The following TIMP3 variants were observed in gnomAD, a reference collection of about 807,000 sequenced individuals.
The protein encoded by TIMP3 is TIMP metallopeptidase inhibitor 3.
TIMP3 carries 11 observed loss-of-function variants against 30.0 expected under a neutral mutation model. The observed-to-expected ratio is 0.37, with a 90% CI of 0.23 to 0.61. The LOEUF is 0.61. Ranked by LOEUF, TIMP3 falls within the 20% of genes least tolerant of loss-of-function variation. TIMP3 has a pLI of 0.70. For missense variants in TIMP3, 181 were observed against 276.8 expected, an observed-to-expected ratio of 0.65 and a Z score of 2.45; for synonymous variants, 112 against 111.3, an observed-to-expected ratio of 1.01 and a Z score of -0.04.
intron 1 of TIMP3, among the ~76,000 whole-genome samples, chr22:32,805,750 G>A (rs1023525752): frequency 1.3e-5 from 2 of 151,532 alleles, no homozygotes; most frequent in Non-Finnish European, 2.9e-5. Context: ...AAGCTAAAAC[G>A]TATTATCAGT....
At chr22:32,809,917 C>T (rs963373470) in intron 1 of TIMP3, among the ~76,000 whole-genome samples, 1 of 152,188 alleles carries the variant, frequency 6.6e-6, no homozygotes, top group Non-Finnish European at 1.5e-5. Flanking sequence ...GTGGGCAGGT[C>T]CCATGCATTT....
At chr22:32,827,682 G>C (rs1440605802) in intron 1 of TIMP3, among the ~76,000 whole-genome samples, 2 of 152,190 alleles carry the variant, frequency 1.3e-5, no homozygotes, top group African/African-American at 4.8e-5. Context: ...CTCTGCCAAT[G>C]CCCTGCTCAA....
intron 1 of TIMP3, among the ~76,000 whole-genome samples, chr22:32,849,042 G>A (rs181647564): frequency 2.2e-4 from 33 of 152,266 alleles, no homozygotes; most frequent in Admixed American, 8.5e-4. Flanking sequence ...GTTAGAAAGG[G>A]GTCCTAGTGG....
intron 1 of TIMP3, among the ~76,000 whole-genome samples, chr22:32,826,266 T>G (rs1285757631): frequency 6.6e-6 from 1 of 152,036 alleles, no homozygotes; most frequent in East Asian, 1.9e-4. Context: ...CCATCTCTAC[T>G]AAAAATACAA....
Position 32,804,819 on chromosome 22 carries a change from T to G in TIMP3, c.121+2697T>G, listed in dbSNP as rs2046682767. Among the ~76,000 whole-genome samples, 3 of 152,172 alleles carry G rather than the reference T, an allele frequency of 2.0e-5. No individual in the cohort carries two copies. The South Asian group carries it at 6.2e-4, about 32-fold the overall frequency. On this transcript the variant is annotated intron_variant, in intron 1 of 4. Transcript: ENST00000266085. ...ACACTGTGGGGGAAAGAAAGGGACT[T>G]GGCAGCAGGCAGGATGTCTGTGGTC...
At chr22:32,821,009 G>C (rs766751956) in intron 1 of TIMP3, among the ~76,000 whole-genome samples, 1 of 152,106 alleles carries the variant, frequency 6.6e-6, no homozygotes, top group Non-Finnish European at 1.5e-5. Flanking sequence ...GTGGCTTCAT[G>C]CTCTTTCAAT....
At position 32,801,961 on chromosome 22, in the gene TIMP3, A is replaced by AG. The variant is rs748382703; in HGVS notation, c.-40dup. On this transcript the variant is annotated 5_prime_UTR_variant, in exon 1 of 5. Transcript: ENST00000266085. The surrounding 1 kb of genome is among the most constrained non-coding windows in gnomAD (Gnocchi z 4.7). ...CCGGCGGCGCGCACGGCAACTTTGG[A>AG]GAGGCGAGCAGCAGCCCCGGCAGCG... 15 of 1,569,036 alleles carry AG rather than the reference A, an allele frequency of 9.6e-6. No individual in the cohort carries two copies. The African/African-American group carries it at 1.6e-4, about 17-fold the overall frequency.
chr22:32,861,285 G>C lies in TIMP3; in HGVS notation c.*1908G>C, dbSNP rs2048531175. 6.6e-6 allele frequency: 1 copy of C among 152,382 alleles called. No homozygotes were observed. The highest frequency in any genetic ancestry group is 2.4e-5 in the African/African-American group (1 of 41,412). The allele number at this position is 152,382 out of a possible 1,614,324, so 9.4% of individuals were successfully genotyped here. ...GAGTGGGAAGAGAGTACCGGCATCGGGTTTCCTTGGGATCAATTTCATTAC... is the reference window on the plus strand; with the variant it reads ...GAGTGGGAAGAGAGTACCGGCATCGCGTTTCCTTGGGATCAATTTCATTAC... On this transcript the variant is annotated 3_prime_UTR_variant, in exon 5 of 5. Transcript: ENST00000266085.
At chr22:32,833,885 A>C in intron 1 of TIMP3, 1 of 499,308 alleles carries the variant, frequency 2.0e-6, no homozygotes, top group African/African-American at 2.0e-5. Context: ...GATGGCACCT[A>C]TTGTAACTAA....
Position 32,801,965 on chromosome 22 carries a change from G to A in TIMP3, c.-37G>A. On this transcript the variant is annotated 5_prime_UTR_variant, in exon 1 of 5. Transcript: ENST00000266085. This position sits in a 1 kb window ranked among gnomAD's most constrained non-coding sequence, Gnocchi z 4.7. ...CGGCGCGCACGGCAACTTTGGAGAG[G>A]CGAGCAGCAGCCCCGGCAGCGGCGG... The A allele has an allele frequency of 6.4e-7, 1 of 1,574,712 alleles. No homozygotes were observed. Among genetic ancestry groups the A allele is most frequent in the Non-Finnish European group, 8.6e-7 (1 of 1,168,382 alleles).
intron 1 of TIMP3, among the ~76,000 whole-genome samples, chr22:32,821,743 C>T (rs1168514171): frequency 6.6e-6 from 1 of 152,196 alleles, no homozygotes; most frequent in African/African-American, 2.4e-5. Flanking sequence ...CACTGTCCCA[C>T]GTAGCTCCTC....
intron 1 of TIMP3, among the ~76,000 whole-genome samples, chr22:32,807,415 CAT>C (rs2046793826): frequency 1.9e-5 from 2 of 103,186 alleles, no homozygotes; most frequent in South Asian, 2.7e-4. Context: ...ATTATATTTA[CAT>C]ATATATTATA....
intron 1 of TIMP3, among the ~76,000 whole-genome samples, chr22:32,844,094 C>T (rs957281243): frequency 2.6e-5 from 4 of 152,158 alleles, no homozygotes; most frequent in African/African-American, 9.7e-5. Context: ...CCTTGATCCC[C>T]AGACCAGCCA....
intron 1 of TIMP3, among the ~76,000 whole-genome samples, chr22:32,835,161 T>C (rs1315074184): frequency 6.6e-6 from 1 of 152,136 alleles, no homozygotes; most frequent in Non-Finnish European, 1.5e-5. Context: ...ACATACTGGG[T>C]GACAGAGTGC....
At chr22:32,807,310 A>G (rs1320008316) in intron 1 of TIMP3, among the ~76,000 whole-genome samples, 2 of 123,136 alleles carry the variant, frequency 1.6e-5, no homozygotes, top group East Asian at 2.1e-4. Flanking sequence ...ATATATAAAT[A>G]TATAATATAT....
At chr22:32,808,814 C>A (rs539113450) in intron 1 of TIMP3, among the ~76,000 whole-genome samples, 13 of 152,270 alleles carry the variant, frequency 8.5e-5, no homozygotes, top group Non-Finnish European at 1.5e-4. Flanking sequence ...TAGTAAAACC[C>A]AAATTCTCCA....
intron 1 of TIMP3, among the ~76,000 whole-genome samples, chr22:32,836,690 CTGAG>C (rs1213267374): frequency 6.6e-6 from 1 of 152,086 alleles, no homozygotes; most frequent in African/African-American, 2.4e-5. Context: ...AAGGGAGGTG[CTGAG>C]TGAGTAGGGG....
intron 1 of TIMP3, among the ~76,000 whole-genome samples, chr22:32,823,413 A>G (rs1011178423): frequency 5.3e-5 from 8 of 152,092 alleles, no homozygotes; most frequent in African/African-American, 1.7e-4. Flanking sequence ...TAGATGAGCT[A>G]GATTTGAACC....
At chr22:32,836,229 T>A (rs1342752710) in intron 1 of TIMP3, among the ~76,000 whole-genome samples, 1 of 152,210 alleles carries the variant, frequency 6.6e-6, no homozygotes, top group Non-Finnish European at 1.5e-5. Flanking sequence ...TTCACTTTTC[T>A]GTTTCTGCCA....
Sources: gnomAD v4.1 joint callset for allele counts (sites outside exome capture counted in the v4.1 genomes callset) on GRCh38, gnomAD v4.1.1 for gene constraint, Gnocchi (gnomAD v3.1) non-coding constraint, MANE v1.5 for transcripts, NCBI Gene and HGNC (gene_info 2026-07-23, HGNC 2026-07-21) for gene names.